Variants in DZIP3 observed in about 807,000 individuals in gnomAD.
DZIP3 encodes E3 ubiquitin-protein ligase DZIP3.
A neutral mutation model predicts 162.0 loss-of-function variants in DZIP3; 118 were observed. The observed-to-expected ratio is 0.73, with a 90% CI of 0.63 to 0.85. DZIP3 has a LOEUF of 0.85. Ranked by LOEUF, DZIP3 falls within the 40% of genes least tolerant of loss-of-function variation. DZIP3 has a pLI of 0.00. For missense variants in DZIP3, 1,331 were observed against 1,407.0 expected (o/e 0.95, Z 0.86); for synonymous variants, 438 against 458.6 (o/e 0.96, Z 0.57).
At chr3:108,617,692 T>G (rs1407156888) in intron 5 of DZIP3, among the ~76,000 whole-genome samples, 1 of 152,206 alleles carries the variant, frequency 6.6e-6, no homozygotes, top group African/African-American at 2.4e-5. Context: ...CAGGGTGAGT[T>G]ACACCATTCA....
At chr3:108,688,232 T>A in intron 29 of DZIP3, 136 bp downstream of exon 29, 1 of 1,115,574 alleles carries the variant, frequency 9.0e-7, no homozygotes, top group Admixed American at 2.8e-5. Flanking sequence ...TAACAGTAAA[T>A]AACAACTTCA....
chr3:108,622,584 A>G (rs997255120), intron 5 of DZIP3, among the ~76,000 whole-genome samples: 4 of 152,058 alleles, frequency 2.6e-5, no homozygotes, highest in South Asian at 2.1e-4. Context: ...GCTTCACTGT[A>G]TGGCCTTGTT....
At chr3:108,608,037 G>A (rs1559721928) in intron 2 of DZIP3, 52 bp from the exon 3 acceptor site, 1 of 1,424,286 alleles carries the variant, frequency 7.0e-7, no homozygotes. Context: ...ACTACAATTT[G>A]TGTTCTTTGT....
At chr3:108,602,016 C>G (rs999088756) in intron 1 of DZIP3, among the ~76,000 whole-genome samples, 2 of 152,126 alleles carry the variant, frequency 1.3e-5, no homozygotes, top group Admixed American at 1.3e-4. Context: ...TCTTCCTAGG[C>G]AAAACTTGTT....
chr3:108,676,885 A>G (rs1429663665), intron 25 of DZIP3, among the ~76,000 whole-genome samples: 5 of 152,100 alleles, frequency 3.3e-5, no homozygotes, highest in Admixed American at 1.3e-4. Context: ...ACAAAATAAT[A>G]TGGTAAGCAA....
intron 27 of DZIP3, among the ~76,000 whole-genome samples, chr3:108,685,955 C>A (rs1944483753): frequency 1.3e-5 from 2 of 152,016 alleles, no homozygotes; most frequent in Non-Finnish European, 1.5e-5. Flanking sequence ...TTTAAAAAAT[C>A]ATATTTCATG....
Position 108,644,540 on chromosome 3 carries a change from C to A in DZIP3, c.1518C>A (p.Cys506Ter), listed in dbSNP as rs1283063933. ...ISKSADILRLCKYRDILLSEI... is the reference protein window; with the variant it reads ...ISKSADILRL The stretch of plus-strand genomic sequence containing the variant: ...AATCTGCAGACATCCTGAGACTGTG[C>A]AAATACAGGGATATCCTCCTTAGTG... Residue 506 changes from cysteine (C) to a stop codon, truncating the protein, a stop_gained, in exon 14 of 33, where the codon TGC (cysteine) becomes TGA (stop). Coordinates refer to ENST00000361582, the MANE Select transcript of DZIP3 (RefSeq NM_014648.4). LOFTEE classifies it high-confidence loss of function. The A allele has an allele frequency of 6.2e-7, 1 of 1,613,980 alleles. No individual in the cohort carries two copies. Among genetic ancestry groups the A allele is most frequent in the African/African-American group, 1.3e-5 (1 of 74,924 alleles).
At chr3:108,605,586 G>A (rs2107480688) in intron 2 of DZIP3, 148 bp downstream of exon 2, 2 of 740,230 alleles carry the variant, frequency 2.7e-6, no homozygotes, top group East Asian at 5.4e-5. Context: ...ACAAGGAGTG[G>A]GCAACTTAGA....
chr3:108,654,404 T>A, intron 19 of DZIP3, 94 bp downstream of exon 19: 1 of 1,327,994 alleles, frequency 7.5e-7, no homozygotes, highest in Non-Finnish European at 1.1e-6. Flanking sequence ...AAAAGCCCAG[T>A]GGTTTATACT....
At chr3:108,621,663 T>A (rs966050633) in intron 5 of DZIP3, among the ~76,000 whole-genome samples, 1 of 152,158 alleles carries the variant, frequency 6.6e-6, no homozygotes, top group Non-Finnish European at 1.5e-5. Context: ...TTGGTGGGAA[T>A]GTAAATTAGT....
At chr3:108,616,046 C>T (rs976137794) in intron 4 of DZIP3, among the ~76,000 whole-genome samples, 4 of 152,126 alleles carry the variant, frequency 2.6e-5, no homozygotes, top group Non-Finnish European at 4.4e-5. Flanking sequence ...AGGCGGATCA[C>T]GAGGTCAGGA....
chr3:108,641,916 G>T (rs901200061), intron 12 of DZIP3, among the ~76,000 whole-genome samples: 1 of 152,024 alleles, frequency 6.6e-6, no homozygotes, highest in African/African-American at 2.4e-5. Flanking sequence ...CATTTACCTA[G>T]TGCTTAGTCT....
chr3:108,621,429 T>C (rs2107550473), intron 5 of DZIP3, among the ~76,000 whole-genome samples: 1 of 152,366 alleles, frequency 6.6e-6, no homozygotes, highest in East Asian at 1.9e-4. Flanking sequence ...ATTTATCCTT[T>C]GTATTACAAC....
intron 6 of DZIP3, 93 bp downstream of exon 6, chr3:108,624,617 A>C: frequency 1.6e-6 from 1 of 630,468 alleles, no homozygotes; most frequent in Non-Finnish European, 2.6e-6. Flanking sequence ...ATATTAAAAA[A>C]GGAAACTTAA....
intron 19 of DZIP3, among the ~76,000 whole-genome samples, chr3:108,657,759 GAC>G (rs1403132738): frequency 2.6e-5 from 4 of 152,100 alleles, no homozygotes; most frequent in African/African-American, 7.2e-5. Context: ...CACGTGCAGA[GAC>G]ACACATAGGC....
chr3:108,682,905 A>C (rs145202471), intron 26 of DZIP3, among the ~76,000 whole-genome samples: 1 of 150,982 alleles, frequency 6.6e-6, no homozygotes, highest in East Asian at 1.9e-4. Flanking sequence ...ATTGAAAATA[A>C]AAATAAAGTG....
At chr3:108,680,257 C>G (rs1944257743) in intron 26 of DZIP3, among the ~76,000 whole-genome samples, 1 of 152,066 alleles carries the variant, frequency 6.6e-6, no homozygotes, top group South Asian at 2.1e-4. Context: ...CCCACTTTCA[C>G]TATTTCTATT....
chr3:108,596,172 G>A (rs777602316), intron 1 of DZIP3, among the ~76,000 whole-genome samples: 21 of 152,186 alleles, frequency 1.4e-4, no homozygotes, highest in Non-Finnish European at 4.4e-5. Flanking sequence ...GAGACCATGA[G>A]CGTTTATTTC....
intron 26 of DZIP3, among the ~76,000 whole-genome samples, chr3:108,682,363 G>A (rs933863081): frequency 2.0e-5 from 3 of 150,972 alleles, no homozygotes; most frequent in African/African-American, 7.4e-5. Context: ...GCTAAGATAT[G>A]TCATCTACAT....
Sources: gnomAD v4.1 joint callset for allele counts (sites outside exome capture counted in the v4.1 genomes callset) on GRCh38, gnomAD v4.1.1 for gene constraint, MANE v1.5 for transcripts, NCBI Gene and HGNC (gene_info 2026-07-23, HGNC 2026-07-21) for gene names.